The following PTPRG variants were observed in gnomAD, a reference collection of about 807,000 sequenced individuals.
PTPRG encodes the protein protein tyrosine phosphatase receptor type G.
Under a neutral mutation model 165.3 loss-of-function variants are expected in PTPRG, and 102 were observed. The observed-to-expected ratio is 0.62, with a 90% CI of 0.53 to 0.73. The LOEUF is 0.73. PTPRG is among the 30% of genes least tolerant of loss of function. The pLI, the probability that PTPRG is intolerant of heterozygous loss-of-function variation, is 0.00. For missense variants in PTPRG, 1,866 were observed against 1,861.4 expected, an observed-to-expected ratio of 1.00 and a Z score of -0.05; for synonymous variants, 675 against 669.5, an observed-to-expected ratio of 1.01 and a Z score of -0.13.
chr3:61,889,824 GCTTATTTCC>G (rs1289740347), intron 2 of PTPRG, among the ~76,000 whole-genome samples: 1 of 152,072 alleles, frequency 6.6e-6, no homozygotes, highest in Non-Finnish European at 1.5e-5. Flanking sequence ...TTAATGTTTA[GCTTATTTCC>G]CTTGTCAGTT....
chr3:61,609,927 A>G (rs1248260447), intron 1 of PTPRG, among the ~76,000 whole-genome samples: 3 of 151,732 alleles, frequency 2.0e-5, no homozygotes, highest in Non-Finnish European at 4.4e-5. Context: ...CTTTTTTCCA[A>G]CAAGTTAACA....
chr3:62,278,844 A>C (rs1702327222), intron 26 of PTPRG, among the ~76,000 whole-genome samples: 1 of 152,066 alleles, frequency 6.6e-6, no homozygotes, highest in Non-Finnish European at 1.5e-5. Flanking sequence ...GGAGGCACTT[A>C]GGGTTGTTAA....
intron 5 of PTPRG, among the ~76,000 whole-genome samples, chr3:62,098,142 A>G (rs547156560): frequency 2.0e-4 from 30 of 152,340 alleles, no homozygotes; most frequent in Middle Eastern, 3.4e-3. Flanking sequence ...CAATTTATCA[A>G]GTGCCTTTAC....
intron 2 of PTPRG, among the ~76,000 whole-genome samples, chr3:61,817,963 C>T (rs1317917870): frequency 6.6e-6 from 1 of 152,042 alleles, no homozygotes; most frequent in East Asian, 1.9e-4. Context: ...CAAGTATAGA[C>T]AAGGTTCAGA....
chr3:62,057,420 G>C (rs1414078564), intron 4 of PTPRG, among the ~76,000 whole-genome samples: 1 of 152,190 alleles, frequency 6.6e-6, no homozygotes, highest in East Asian at 1.9e-4. Flanking sequence ...AGGCTGCCTT[G>C]TGGGACTCCC....
intron 7 of PTPRG, among the ~76,000 whole-genome samples, chr3:62,164,192 A>T (rs1197484157): frequency 6.6e-6 from 1 of 152,084 alleles, no homozygotes; most frequent in African/African-American, 2.4e-5. Flanking sequence ...ACTCTAGGGG[A>T]CACTTTCTCA....
Position 61,887,123 on chromosome 3 carries a change from CATATATATATATAT to C in PTPRG, c.191-102467_191-102454del, listed in dbSNP as rs148352398. 1.6e-3 allele frequency among the ~76,000 whole-genome samples: 136 copies of C among 85,940 alleles called. 5 individuals are homozygous for C. In the East Asian group the frequency reaches 0.043, roughly 27 times the overall value. 56.4% of individuals were successfully genotyped at this position (85,940 alleles called of 152,430 possible). A position where few individuals can be genotyped will look rare whatever the true frequency, so the allele number is the denominator to read the frequency against. On this transcript the variant is annotated intron_variant, in intron 2 of 29. Coordinates refer to ENST00000474889, the MANE Select transcript of PTPRG (RefSeq NM_002841.4). ...ATTTTTAAAGTATAACCATAGCATG[CATATATATATATAT>C]ATATATATATATATATATATATATA...
intron 2 of PTPRG, among the ~76,000 whole-genome samples, chr3:61,868,538 T>C (rs554432287): frequency 1.3e-5 from 2 of 152,346 alleles, no homozygotes; most frequent in Non-Finnish European, 2.9e-5. Flanking sequence ...CTTGTTCACT[T>C]TCCCCCTTCC....
intron 4 of PTPRG, among the ~76,000 whole-genome samples, chr3:62,076,670 C>T (rs1463809686): frequency 6.6e-6 from 1 of 151,932 alleles, no homozygotes; most frequent in Admixed American, 6.6e-5. Context: ...CAGCATCCGC[C>T]TCCCAGGTTC....
intron 8 of PTPRG, among the ~76,000 whole-genome samples, chr3:62,189,381 G>A (rs1480422225): frequency 6.6e-6 from 1 of 152,146 alleles, no homozygotes; most frequent in Non-Finnish European, 1.5e-5. Context: ...AGCTGCCTTG[G>A]GTTTTGGGTT....
chr3:62,172,605 C>T (rs1705257309), intron 8 of PTPRG, among the ~76,000 whole-genome samples: 1 of 152,104 alleles, frequency 6.6e-6, no homozygotes, highest in East Asian at 1.9e-4. Context: ...AACTCAGCGC[C>T]ACTATAGGCC....
chr3:61,760,866 A>C (rs2033812117), intron 2 of PTPRG, among the ~76,000 whole-genome samples: 2 of 152,152 alleles, frequency 1.3e-5, no homozygotes, highest in Middle Eastern at 3.4e-3. Context: ...CTGTTCCTGC[A>C]TTAGTTTGCT....
Position 62,208,957 on chromosome 3 carries a change from C to T in PTPRG, c.2155+5007C>T, listed in dbSNP as rs553440474. On this transcript the variant is annotated intron_variant, in intron 12 of 29. Transcript: ENST00000474889. ...ATGAAGGAACGTGCCCAGAGCCACA[C>T]GGCCCATGGCAAGACAGAGCCCAAA... 2.0e-4 allele frequency among the ~76,000 whole-genome samples: 30 copies of T among 152,304 alleles called. No individual in the cohort carries two copies. In the South Asian group the frequency reaches 2.1e-3, roughly 11 times the overall value.
intron 5 of PTPRG, among the ~76,000 whole-genome samples, chr3:62,109,537 T>C (rs1457446373): frequency 6.6e-6 from 1 of 152,202 alleles, no homozygotes; most frequent in South Asian, 2.1e-4. Context: ...GGCTCTTTTT[T>C]GGTTCCATAT....
Position 61,562,156 on chromosome 3 carries a change from C to T in PTPRG, c.-132C>T. On this transcript the variant is annotated 5_prime_UTR_variant, in exon 1 of 30. Transcript: ENST00000474889. ...CCGGATTCCAAGGGGACTCGGGCCG[C>T]CGAGCGCGGGGGGCCCGTGGAGCGG... The T allele has an allele frequency of 1.3e-6, 1 of 764,390 alleles. No homozygotes were observed. The highest frequency in any genetic ancestry group is 2.2e-6 in the Non-Finnish European group (1 of 459,370). 47.4% of individuals were successfully genotyped at this position (764,390 alleles called of 1,614,324 possible).
chr3:61,562,334 T>A lies in PTPRG; in HGVS notation c.47T>A (p.Ile16Asn), dbSNP rs761960149. Residue 16 changes from isoleucine (I) to asparagine (N), a missense_variant, in exon 1 of 30, where the codon ATC (isoleucine) becomes AAC (asparagine). Transcript: ENST00000474889. The part of the protein sequence containing the change: ...EPCWWILFLK[I>N]TSSVLHYVVC... ...TGTTGGTGGATTTTGTTCCTGAAAATCACCAGTTCCGTGCTCCATTATGTC... is the reference window on the plus strand; with the variant it reads ...TGTTGGTGGATTTTGTTCCTGAAAAACACCAGTTCCGTGCTCCATTATGTC... 1 of 1,613,612 alleles carries A rather than the reference T, an allele frequency of 6.2e-7. No individual in the cohort carries two copies. The highest frequency in any genetic ancestry group is 8.5e-7 in the Non-Finnish European group (1 of 1,179,682).
intron 15 of PTPRG, among the ~76,000 whole-genome samples, chr3:62,250,897 C>T (rs1240575680): frequency 6.6e-6 from 1 of 152,254 alleles, no homozygotes; most frequent in East Asian, 1.9e-4. Context: ...CCGTTATGTA[C>T]ATAATCTAAT....
chr3:61,814,554 T>C (rs1037356368), intron 2 of PTPRG, among the ~76,000 whole-genome samples: 1 of 151,972 alleles, frequency 6.6e-6, no homozygotes, highest in Non-Finnish European at 1.5e-5. Flanking sequence ...TACTTGAAGA[T>C]CTGCTCTGAA....
Position 61,943,033 on chromosome 3 carries a change from C to T in PTPRG, c.191-46592C>T, listed in dbSNP as rs373761609. 1.7e-4 allele frequency among the ~76,000 whole-genome samples: 26 copies of T among 152,290 alleles called. 1 individual carries two copies. The highest frequency in any genetic ancestry group is 3.6e-4 in the African/African-American group (15 of 41,568). On this transcript the variant is annotated intron_variant, in intron 2 of 29. Transcript: ENST00000474889. Reference sequence around the variant, plus strand: ...TGCCAGGTGCAGAATGGGGACTTTACGCCAGGTATGCTTGTTGGTCATTAT... The same window carrying T: ...TGCCAGGTGCAGAATGGGGACTTTATGCCAGGTATGCTTGTTGGTCATTAT...
Sources: allele counts gnomAD v4.1 joint callset (sites outside exome capture counted in the v4.1 genomes callset), GRCh38; gene constraint gnomAD v4.1.1; transcripts MANE v1.5; gene names NCBI Gene and HGNC (gene_info 2026-07-23, HGNC 2026-07-21).